NOX4: variants seen among roughly 807,000 people sequenced by gnomAD.
The protein encoded by NOX4 is kidney oxidase-1.
NOX4 carries 69 observed loss-of-function variants against 87.6 expected under a neutral mutation model. That is an observed-to-expected ratio of 0.79 (90% confidence interval 0.65 to 0.96). The LOEUF is 0.96. Among genes scored for constraint, NOX4 ranks in the 40% least tolerant of loss-of-function variants. The pLI is 0.00. For synonymous variants in NOX4, 275 were observed against 238.2 expected (o/e 1.15, Z -1.42); for missense variants, 680 against 681.5 (o/e 1.00, Z 0.02).
chr11:89,569,868 G>T, the NOX4 span, among the ~76,000 whole-genome samples: 1 of 151,982 alleles, frequency 6.6e-6, no homozygotes, highest in Non-Finnish European at 1.5e-5. Flanking sequence ...CAGGCGTGGT[G>T]GCGGGCGCCT....
chr11:89,430,577 C>T (rs1195207732), intron 7 of NOX4, among the ~76,000 whole-genome samples: 3 of 152,072 alleles, frequency 2.0e-5, no homozygotes, highest in Admixed American at 1.3e-4. Flanking sequence ...AACAGAGAGC[C>T]AAATCATGAG....
chr11:89,336,083 C>G (rs137918353), intron 16 of NOX4, 138 bp from the exon 17 acceptor site: 58 of 446,328 alleles, frequency 1.3e-4, no homozygotes, highest in Non-Finnish European at 1.5e-4. Flanking sequence ...CAACCTATCA[C>G]GTACAATTAT....
intron 2 of NOX4, among the ~76,000 whole-genome samples, chr11:89,467,295 G>A (rs1016179720): frequency 5.8e-5 from 8 of 137,712 alleles, no homozygotes; most frequent in African/African-American, 1.9e-4. Flanking sequence ...AGCTTGCAGT[G>A]AGGCCAGATC....
At chr11:89,571,926 C>T in the NOX4 span, among the ~76,000 whole-genome samples, 15 of 152,278 alleles carry the variant, frequency 9.9e-5, no homozygotes, top group African/African-American at 3.6e-4. Context: ...ATTGCTTTCT[C>T]CACTGCATTG....
chr11:89,516,040 T>G, the NOX4 span, among the ~76,000 whole-genome samples: 2 of 152,082 alleles, frequency 1.3e-5, no homozygotes, highest in African/African-American at 2.4e-5. Flanking sequence ...ACAGTGATAT[T>G]TCTTATGTAT....
chr11:89,389,568 T>A (rs4753218), intron 11 of NOX4, among the ~76,000 whole-genome samples: 25 of 152,052 alleles, frequency 1.6e-4, no homozygotes, highest in African/African-American at 5.5e-4. Flanking sequence ...TTAGAAGAGC[T>A]TAGTAGTATG....
At chr11:89,453,682 C>T (rs560060733) in intron 2 of NOX4, among the ~76,000 whole-genome samples, 8 of 152,248 alleles carry the variant, frequency 5.3e-5, no homozygotes, top group South Asian at 2.1e-4. Flanking sequence ...AAGTAATTAA[C>T]GATATTGTCT....
At chr11:89,559,984 C>A in the NOX4 span, among the ~76,000 whole-genome samples, 3 of 152,072 alleles carry the variant, frequency 2.0e-5, no homozygotes, top group African/African-American at 7.2e-5. Context: ...AAGTCCTATA[C>A]CCTGGCATCT....
chr11:89,398,849 A>G (rs556210833), intron 11 of NOX4, among the ~76,000 whole-genome samples: 1 of 152,062 alleles, frequency 6.6e-6, no homozygotes, highest in African/African-American at 2.4e-5. Flanking sequence ...GAAATATTAT[A>G]TGGTCATTAA....
intron 2 of NOX4, among the ~76,000 whole-genome samples, chr11:89,456,176 T>C (rs976783073): frequency 6.6e-6 from 1 of 152,132 alleles, no homozygotes; most frequent in African/African-American, 2.4e-5. Flanking sequence ...ATCATGTGTA[T>C]TTTATACATA....
At position 89,364,575 on chromosome 11, in the gene NOX4, T is replaced by C. The variant is rs538985333; in HGVS notation, c.1135+8857A>G. On this transcript the variant is annotated intron_variant, in intron 12 of 17. Coordinates refer to ENST00000263317, the MANE Select transcript of NOX4 (RefSeq NM_016931.5). ...GGAAAAAAATCCCTAAACCCATACA[T>C]GTAATTTTCAGAAGATGAGATGTAT... 5.8e-4 allele frequency among the ~76,000 whole-genome samples: 89 copies of C among 152,160 alleles called. 1 individual carries two copies. Among genetic ancestry groups the C allele is most frequent in the African/African-American group, 1.7e-3 (69 of 41,550 alleles).
chr11:89,338,099 C>T (rs528851351), intron 15 of NOX4, among the ~76,000 whole-genome samples: 4 of 151,188 alleles, frequency 2.6e-5, no homozygotes, highest in Non-Finnish European at 5.9e-5. Flanking sequence ...CTTCCCCCTC[C>T]CCGAAGGCTT....
intron 12 of NOX4, among the ~76,000 whole-genome samples, chr11:89,371,627 A>G (rs1424187970): frequency 4.0e-5 from 6 of 151,748 alleles, no homozygotes. Context: ...TTCCTACTAT[A>G]TTGGGATTCT....
chr11:89,552,305 C>T, the NOX4 span, among the ~76,000 whole-genome samples: 4 of 152,098 alleles, frequency 2.6e-5, no homozygotes, highest in Admixed American at 6.6e-5. Context: ...TCATAGACAC[C>T]GAAATCCATA....
intron 11 of NOX4, among the ~76,000 whole-genome samples, chr11:89,378,130 T>G (rs1939990032): frequency 6.6e-6 from 1 of 152,172 alleles, no homozygotes; most frequent in Admixed American, 6.5e-5. Flanking sequence ...TGTGTCACCC[T>G]GTGAAAAACC....
the NOX4 span, among the ~76,000 whole-genome samples, chr11:89,574,551 A>G: frequency 6.6e-6 from 1 of 152,222 alleles, no homozygotes; most frequent in Non-Finnish European, 1.5e-5. Flanking sequence ...GCTCTTCAGG[A>G]AGTCTGGTTC....
chr11:89,431,405 G>C (rs1430887014), intron 7 of NOX4, among the ~76,000 whole-genome samples: 1 of 152,156 alleles, frequency 6.6e-6, no homozygotes, highest in South Asian at 2.1e-4. Context: ...ACTACCATCA[G>C]AGTGAACAGG....
the NOX4 span, among the ~76,000 whole-genome samples, chr11:89,507,256 G>A: frequency 6.6e-6 from 1 of 151,704 alleles, no homozygotes; most frequent in South Asian, 2.1e-4. Context: ...TTTCATGGGT[G>A]TATCCATATG....
At chr11:89,564,443 G>A in the NOX4 span, among the ~76,000 whole-genome samples, 3 of 152,208 alleles carry the variant, frequency 2.0e-5, no homozygotes, top group African/African-American at 7.2e-5. Context: ...AACAGCAAGG[G>A]GGAAAATTCG....
Sources: gnomAD v4.1 joint callset for allele counts (sites outside exome capture counted in the v4.1 genomes callset) on GRCh38, gnomAD v4.1.1 for gene constraint, MANE v1.5 for transcripts, NCBI Gene and HGNC (gene_info 2026-07-23, HGNC 2026-07-21) for gene names.